LSM14A: variants seen among roughly 807,000 people sequenced by gnomAD.
LSM14A encodes the protein LSM14A mRNA processing body assembly factor, also known as protein LSM14 homolog A.
Under a neutral mutation model 52.4 loss-of-function variants are expected in LSM14A, and 14 were observed. That is an observed-to-expected ratio of 0.27 (90% confidence interval 0.18 to 0.42). The LOEUF (loss-of-function observed/expected upper bound fraction) is 0.42, where lower values mean the gene tolerates loss of function less well. LSM14A is among the 10% of genes least tolerant of loss of function. The pLI, the probability that LSM14A is intolerant of heterozygous loss-of-function variation, is 1.00. For missense variants in LSM14A, 417 were observed against 581.8 expected (o/e 0.72, Z 2.91); for synonymous variants, 185 against 200.3 (o/e 0.92, Z 0.64).
chr19:34,227,327 A>G, intron 9 of LSM14A, 38 bp from the exon 10 acceptor site: 1 of 1,459,030 alleles, frequency 6.9e-7, no homozygotes, highest in Non-Finnish European at 9.5e-7. Flanking sequence ...ATACACCAAT[A>G]ATTTGGAACA....
At chr19:34,192,482 T>C (rs978577578) in intron 1 of LSM14A, among the ~76,000 whole-genome samples, 1 of 150,810 alleles carries the variant, frequency 6.6e-6, no homozygotes, top group African/African-American at 2.4e-5. Flanking sequence ...CATGCCAACA[T>C]GCCCAGCTAA....
intron 6 of LSM14A, among the ~76,000 whole-genome samples, chr19:34,216,016 T>C (rs965530903): frequency 6.6e-6 from 1 of 152,154 alleles, no homozygotes; most frequent in African/African-American, 2.4e-5. Context: ...GATGTGACTG[T>C]TGGAGTTTGG....
intron 9 of LSM14A, chr19:34,226,375 CTTTTTTTTTTTT>C (rs528137318): frequency 1.8e-5 from 22 of 1,195,970 alleles, no homozygotes; most frequent in Non-Finnish European, 2.2e-5. Context: ...ATCTCTTTCT[CTTTTTTTTTTTT>C]TTTTTTTTTT....
intron 2 of LSM14A, 110 bp downstream of exon 2, chr19:34,194,751 T>C: frequency 2.1e-6 from 2 of 957,178 alleles, no homozygotes; most frequent in East Asian, 4.9e-5. Flanking sequence ...TCCAAGTTAC[T>C]GGGATACCTG....
intron 1 of LSM14A, 89 bp downstream of exon 1, chr19:34,172,852 C>T: frequency 1.4e-6 from 2 of 1,401,324 alleles, no homozygotes; most frequent in Non-Finnish European, 1.9e-6. Context: ...CTCGTTCCCT[C>T]CCCTCCCTCC....
intron 4 of LSM14A, among the ~76,000 whole-genome samples, chr19:34,213,955 A>AT (rs35339083): frequency 0.14 from 20,690 of 151,510 alleles, 1,739 homozygotes; most frequent in Middle Eastern, 0.25. Flanking sequence ...TAATTTTTGT[A>AT]TTTTTTTTGT....
intron 1 of LSM14A, 92 bp downstream of exon 1, chr19:34,172,855 C>T: frequency 1.4e-6 from 2 of 1,393,040 alleles, no homozygotes; most frequent in Non-Finnish European, 1.9e-6. Context: ...GTTCCCTCCC[C>T]TCCCTCCGTC....
intron 3 of LSM14A, among the ~76,000 whole-genome samples, chr19:34,199,405 A>G (rs1435908437): frequency 6.6e-6 from 1 of 152,146 alleles, no homozygotes; most frequent in Non-Finnish European, 1.5e-5. Context: ...TGTTGGGATT[A>G]CAGGTGTGAG....
chr19:34,186,737 T>C (rs1330040573), intron 1 of LSM14A, among the ~76,000 whole-genome samples: 1 of 152,188 alleles, frequency 6.6e-6, no homozygotes, highest in African/African-American at 2.4e-5. Flanking sequence ...GTCTTGGAGC[T>C]GATACAGGAC....
intron 1 of LSM14A, among the ~76,000 whole-genome samples, chr19:34,182,217 A>C (rs2069533397): frequency 6.6e-6 from 1 of 152,232 alleles, no homozygotes; most frequent in Non-Finnish European, 1.5e-5. Flanking sequence ...TAATTAAAAA[A>C]TAAAATATAT....
intron 1 of LSM14A, among the ~76,000 whole-genome samples, chr19:34,187,769 C>G (rs981987660): frequency 6.6e-6 from 1 of 152,072 alleles, no homozygotes; most frequent in Non-Finnish European, 1.5e-5. Flanking sequence ...ATTTTATATA[C>G]AAGTATTATA....
At chr19:34,196,808 TTTC>T (rs1300693869) in intron 3 of LSM14A, 45 bp downstream of exon 3, 1 of 1,522,332 alleles carries the variant, frequency 6.6e-7, no homozygotes. Context: ...GTATTCTTCC[TTTC>T]TTTACCACAA....
chr19:34,182,681 C>G (rs983961491), intron 1 of LSM14A, among the ~76,000 whole-genome samples: 1 of 108,782 alleles, frequency 9.2e-6, no homozygotes, highest in African/African-American at 3.1e-5. Flanking sequence ...ACTAAAAATA[C>G]AAAAAAAAAA....
At chr19:34,174,490 C>T (rs1031085073) in intron 1 of LSM14A, among the ~76,000 whole-genome samples, 1 of 152,158 alleles carries the variant, frequency 6.6e-6, no homozygotes, top group Admixed American at 6.5e-5. Flanking sequence ...CCTTGTGAAA[C>T]ATTATGCAGT....
intron 1 of LSM14A, among the ~76,000 whole-genome samples, chr19:34,187,187 T>TGCGGTGAGACGAGATC (rs1407338796): frequency 2.0e-5 from 3 of 150,724 alleles, no homozygotes; most frequent in African/African-American, 7.3e-5. Context: ...AAGCAGAGGT[T>TGCGGTGAGACGAGATC]GCGGTGAGAC....
intron 3 of LSM14A, among the ~76,000 whole-genome samples, chr19:34,204,527 C>T (rs973015885): frequency 7.1e-6 from 1 of 141,444 alleles, no homozygotes; most frequent in African/African-American, 2.7e-5. Context: ...GCCTGGGGAA[C>T]ATAGGGAGAC....
intron 1 of LSM14A, among the ~76,000 whole-genome samples, chr19:34,190,449 A>G (rs1231079316): frequency 6.6e-6 from 1 of 151,874 alleles, no homozygotes; most frequent in Admixed American, 6.6e-5. Context: ...TTTAAATTCT[A>G]CTATGGGTTA....
At chr19:34,189,269 T>A (rs959426268) in intron 1 of LSM14A, among the ~76,000 whole-genome samples, 1 of 152,198 alleles carries the variant, frequency 6.6e-6, no homozygotes, top group Non-Finnish European at 1.5e-5. Context: ...CTTCAGAGAT[T>A]AAGATGTCAG....
chr19:34,220,728 G>A (rs888909216), intron 8 of LSM14A, among the ~76,000 whole-genome samples: 2 of 152,154 alleles, frequency 1.3e-5, no homozygotes, highest in Non-Finnish European at 2.9e-5. Context: ...CGATTGGCTG[G>A]ATGACAGCAG....
Sources: allele counts gnomAD v4.1 joint callset (sites outside exome capture counted in the v4.1 genomes callset), GRCh38; gene constraint gnomAD v4.1.1; transcripts MANE v1.5; gene names NCBI Gene and HGNC (gene_info 2026-07-23, HGNC 2026-07-21).